AGBL1: variants seen among roughly 807,000 people sequenced by gnomAD.
AGBL1 encodes the protein AGBL carboxypeptidase 1, also known as cytosolic carboxypeptidase 4.
AGBL1 carries 130 observed loss-of-function variants against 118.9 expected under a neutral mutation model. The observed-to-expected ratio is 1.09, with a 90% CI of 0.95 to 1.26. The LOEUF is 1.26. AGBL1 is among the 50% of genes most tolerant of loss of function. AGBL1 has a pLI of 0.00. For synonymous variants in AGBL1, 555 were observed against 478.9 expected, an observed-to-expected ratio of 1.16 and a Z score of -2.08; for missense variants, 1,584 against 1,298.1, an observed-to-expected ratio of 1.22 and a Z score of -3.38.
chr15:87,026,277 G>T (rs2081725801), intron 24 of AGBL1, among the ~76,000 whole-genome samples: 1 of 151,942 alleles, frequency 6.6e-6, no homozygotes, highest in African/African-American at 2.4e-5. Flanking sequence ...CTAATATCCA[G>T]AATCTACAAT....
intron 21 of AGBL1, among the ~76,000 whole-genome samples, chr15:86,633,863 A>ATG (rs576949971): frequency 4.6e-5 from 2 of 43,434 alleles, no homozygotes; most frequent in African/African-American, 8.4e-5. Context: ...TATATATATA[A>ATG]TGTATATATA....
chr15:87,027,923 C>T (rs2081749766), intron 24 of AGBL1, among the ~76,000 whole-genome samples: 1 of 151,844 alleles, frequency 6.6e-6, no homozygotes, highest in Non-Finnish European at 1.5e-5. Context: ...GGAAGAATAA[C>T]TAATGGCTGC....
intron 17 of AGBL1, among the ~76,000 whole-genome samples, chr15:86,336,502 G>A (rs1477471011): frequency 1.3e-5 from 2 of 152,322 alleles, no homozygotes; most frequent in Non-Finnish European, 2.9e-5. Flanking sequence ...TGGGCAGACT[G>A]GAACAAGGCA....
intron 24 of AGBL1, among the ~76,000 whole-genome samples, chr15:87,003,580 G>T (rs1280353630): frequency 1.3e-5 from 2 of 152,112 alleles, no homozygotes; most frequent in African/African-American, 4.8e-5. Flanking sequence ...ACCTCTAGTA[G>T]AATTCAGCTG....
At chr15:86,830,996 C>A (rs1371052859) in intron 22 of AGBL1, among the ~76,000 whole-genome samples, 3 of 152,060 alleles carry the variant, frequency 2.0e-5, no homozygotes, top group East Asian at 3.9e-4. Flanking sequence ...GGAGGCCCCA[C>A]AATTATGGCA....
At chr15:86,988,297 G>C in intron 24 of AGBL1, 2 of 524,708 alleles carry the variant, frequency 3.8e-6, no homozygotes, top group Middle Eastern at 5.2e-4. Context: ...AAATGAATAC[G>C]ATTACTGGTT....
chr15:86,206,255 A>G (rs755088514), intron 5 of AGBL1, among the ~76,000 whole-genome samples: 1 of 152,202 alleles, frequency 6.6e-6, no homozygotes, highest in Non-Finnish European at 1.5e-5. Flanking sequence ...GGTATTGTGA[A>G]TAATGTTGCA....
At chr15:86,343,132 T>C (rs2080486953) in intron 17 of AGBL1, among the ~76,000 whole-genome samples, 1 of 152,232 alleles carries the variant, frequency 6.6e-6, no homozygotes, top group Non-Finnish European at 1.5e-5. Context: ...CAGTATCCCA[T>C]ATCTATTCTC....
At chr15:86,193,264 G>A (rs1442316937) in intron 5 of AGBL1, among the ~76,000 whole-genome samples, 1 of 152,050 alleles carries the variant, frequency 6.6e-6, no homozygotes, top group Non-Finnish European at 1.5e-5. Flanking sequence ...TCCAAGAAAC[G>A]AAAGGACCAG....
At chr15:86,557,706 C>G (rs2083753975) in intron 21 of AGBL1, among the ~76,000 whole-genome samples, 1 of 152,162 alleles carries the variant, frequency 6.6e-6, no homozygotes, top group Non-Finnish European at 1.5e-5. Context: ...TCCACCTCAT[C>G]ATCGTGGTGA....
intron 5 of AGBL1, among the ~76,000 whole-genome samples, chr15:86,212,337 G>T (rs2078113089): frequency 6.6e-6 from 1 of 152,224 alleles, no homozygotes; most frequent in Non-Finnish European, 1.5e-5. Context: ...AAAGTGTGAT[G>T]AGAACTCAGA....
intron 17 of AGBL1, among the ~76,000 whole-genome samples, chr15:86,302,819 G>T (rs889151417): frequency 1.3e-5 from 2 of 151,568 alleles, no homozygotes; most frequent in East Asian, 3.9e-4. Context: ...AAATCTCAGG[G>T]TACAGGACTA....
chr15:86,604,694 G>A (rs944210774), intron 21 of AGBL1, among the ~76,000 whole-genome samples: 3 of 151,926 alleles, frequency 2.0e-5, no homozygotes, highest in Non-Finnish European at 2.9e-5. Flanking sequence ...AGTTGGATAG[G>A]CAGGTGAATG....
chr15:86,381,983 A>G (rs11635061), intron 17 of AGBL1, among the ~76,000 whole-genome samples: 46,486 of 152,100 alleles, frequency 0.31, 7,755 homozygotes, highest in East Asian at 0.74. Context: ...GAAAATATCC[A>G]AAAGGTATTT....
intron 21 of AGBL1, among the ~76,000 whole-genome samples, chr15:86,596,018 G>T (rs78821880): frequency 0.025 from 3,769 of 152,174 alleles, 157 homozygotes; most frequent in African/African-American, 0.086. Flanking sequence ...ATCTTAGGGG[G>T]TTGGGTGTGG....
intron 18 of AGBL1, among the ~76,000 whole-genome samples, chr15:86,461,423 C>A (rs2082333760): frequency 6.6e-6 from 1 of 152,154 alleles, no homozygotes. Flanking sequence ...CACCACTCTT[C>A]CCTGGACCGC....
intron 22 of AGBL1, among the ~76,000 whole-genome samples, chr15:86,857,303 C>T (rs2079496894): frequency 6.6e-6 from 1 of 152,140 alleles, no homozygotes; most frequent in Admixed American, 6.6e-5. Flanking sequence ...TGGCTAAACC[C>T]ATCCATCAGC....
intron 19 of AGBL1, among the ~76,000 whole-genome samples, chr15:86,539,284 C>A (rs1050136050): frequency 6.6e-6 from 1 of 152,236 alleles, no homozygotes; most frequent in African/African-American, 2.4e-5. Flanking sequence ...ATCTGGAAAT[C>A]AAGGAGTTAT....
intron 23 of AGBL1, among the ~76,000 whole-genome samples, chr15:86,952,751 T>C (rs905434775): frequency 6.6e-6 from 1 of 152,200 alleles, no homozygotes; most frequent in Non-Finnish European, 1.5e-5. Flanking sequence ...CAAAAATTCT[T>C]TGCCAAGACC....
Sources: allele counts gnomAD v4.1 joint callset (sites outside exome capture counted in the v4.1 genomes callset), GRCh38; gene constraint gnomAD v4.1.1; transcripts MANE v1.5; gene names NCBI Gene and HGNC (gene_info 2026-07-23, HGNC 2026-07-21).